Variants in DCLK1 observed in about 807,000 individuals in gnomAD.
DCLK1 encodes the protein doublecortin like kinase 1.
Under a neutral mutation model 86.2 loss-of-function variants are expected in DCLK1, and 16 were observed. The observed-to-expected ratio is 0.19, with a 90% CI of 0.13 to 0.28. The LOEUF (loss-of-function observed/expected upper bound fraction) is 0.28. Among genes scored for constraint, DCLK1 ranks in the 10% least tolerant of loss-of-function variants. DCLK1 has a pLI of 1.00. For synonymous variants in DCLK1, 369 were observed against 370.5 expected (o/e 1.00, Z 0.05); for missense variants, 590 against 940.2 (o/e 0.63, Z 4.87).
intron 4 of DCLK1, among the ~76,000 whole-genome samples, chr13:35,895,752 A>AC (rs1377993185): frequency 6.6e-6 from 1 of 151,774 alleles, no homozygotes; most frequent in Non-Finnish European, 1.5e-5. Flanking sequence ...AGCAAAAAAA[A>AC]ACAAAACAAA....
intron 3 of DCLK1, among the ~76,000 whole-genome samples, chr13:36,025,919 G>A (rs566780301): frequency 1.3e-4 from 20 of 152,078 alleles, no homozygotes; most frequent in Non-Finnish European, 2.6e-4. Context: ...AACAATTTAC[G>A]TATCTAAGTC....
At position 35,848,804 on chromosome 13, in the gene DCLK1, A is replaced by G; in HGVS notation, c.1035+5695T>C. ...TGTATTTTTGGCAGTTTAGTCAAATACATACTAATCTTTTATGGACCCAAC... is the reference window on the plus strand; with the variant it reads ...TGTATTTTTGGCAGTTTAGTCAAATGCATACTAATCTTTTATGGACCCAAC... On this transcript the variant is annotated intron_variant, in intron 6 of 16. Transcript: ENST00000360631. 5.1e-6 allele frequency: 5 copies of G among 985,370 alleles called. No individual in the cohort carries two copies. The South Asian group carries it at 2.3e-4, about 46-fold the overall frequency. 61.0% of individuals were successfully genotyped at this position (985,370 alleles called of 1,614,324 possible).
At chr13:35,836,778 T>A (rs527956255) in intron 7 of DCLK1, among the ~76,000 whole-genome samples, 2 of 152,306 alleles carry the variant, frequency 1.3e-5, no homozygotes, top group South Asian at 4.1e-4. Context: ...AGTTTTGTAG[T>A]TTCAATTATG....
intron 2 of DCLK1, among the ~76,000 whole-genome samples, chr13:36,117,753 G>C (rs1300949663): frequency 6.6e-6 from 1 of 152,126 alleles, no homozygotes; most frequent in African/African-American, 2.4e-5. Flanking sequence ...AGCCACTCTG[G>C]GAAGGGAAAG....
chr13:35,869,196 T>C (rs879071193), intron 5 of DCLK1: 1 of 469,326 alleles, frequency 2.1e-6, no homozygotes, highest in Non-Finnish European at 4.3e-6. Flanking sequence ...AGCTCAGTTC[T>C]TCCAGGGGAG....
chr13:35,826,035 A>G (rs1338276874), intron 10 of DCLK1, among the ~76,000 whole-genome samples: 1 of 151,666 alleles, frequency 6.6e-6, no homozygotes, highest in African/African-American at 2.4e-5. Flanking sequence ...GATGGTCTCA[A>G]TCTCTTGACC....
At chr13:36,059,040 T>C (rs1883440344) in intron 3 of DCLK1, among the ~76,000 whole-genome samples, 1 of 152,138 alleles carries the variant, frequency 6.6e-6, no homozygotes, top group Non-Finnish European at 1.5e-5. Context: ...GCTACCTTTA[T>C]AGGAAAAATA....
intron 4 of DCLK1, among the ~76,000 whole-genome samples, chr13:35,933,308 G>A (rs578115227): frequency 5.3e-5 from 8 of 152,210 alleles, no homozygotes; most frequent in South Asian, 4.1e-4. Flanking sequence ...GCAAGCTGTC[G>A]GCAGATCTAC....
intron 10 of DCLK1, among the ~76,000 whole-genome samples, chr13:35,825,123 A>T (rs1394424985): frequency 6.6e-6 from 1 of 152,194 alleles, no homozygotes; most frequent in Non-Finnish European, 1.5e-5. Context: ...CTGCCGATCC[A>T]CTGCCGTCCG....
chr13:35,813,366 G>A (rs1294064467), intron 11 of DCLK1, among the ~76,000 whole-genome samples: 8 of 152,188 alleles, frequency 5.3e-5, no homozygotes, highest in Admixed American at 5.2e-4. Context: ...AAAAGCAGAT[G>A]TTGGTGGATT....
chr13:36,091,536 A>G (rs929408643), intron 3 of DCLK1, among the ~76,000 whole-genome samples: 3 of 152,180 alleles, frequency 2.0e-5, no homozygotes, highest in African/African-American at 7.2e-5. Context: ...TTTGGCCATC[A>G]AAATGGAAAA....
At chr13:35,839,893 T>A (rs1869668793) in intron 6 of DCLK1, among the ~76,000 whole-genome samples, 4 of 152,344 alleles carry the variant, frequency 2.6e-5, no homozygotes, top group Admixed American at 2.6e-4. Flanking sequence ...AATATTATGA[T>A]TGGCTATGGG....
At chr13:35,954,833 C>CT (rs1005546125) in intron 3 of DCLK1, among the ~76,000 whole-genome samples, 16 of 151,746 alleles carry the variant, frequency 1.1e-4, no homozygotes, top group African/African-American at 2.2e-4. Flanking sequence ...AGCTCTAAGA[C>CT]TTTTTTTTAA....
At chr13:35,906,222 C>T (rs1201069116) in intron 4 of DCLK1, among the ~76,000 whole-genome samples, 1 of 152,060 alleles carries the variant, frequency 6.6e-6, no homozygotes, top group Non-Finnish European at 1.5e-5. Context: ...ATATGGGAGA[C>T]TCTCAAGAAC....
chr13:35,982,433 G>GAGAGAGAGAGGGA (rs1566631727), intron 3 of DCLK1, among the ~76,000 whole-genome samples: 1 of 21,692 alleles, frequency 4.6e-5, no homozygotes, highest in South Asian at 3.0e-3. Flanking sequence ...AGAGAGAGAG[G>GAGAGAGAGAGGGA]GGGAGGGAGG....
intron 5 of DCLK1, among the ~76,000 whole-genome samples, chr13:35,858,124 C>T (rs1566571567): frequency 6.6e-6 from 1 of 152,124 alleles, no homozygotes; most frequent in African/African-American, 2.4e-5. Context: ...GGAAACAATA[C>T]TGGGTGCAAG....
At chr13:36,005,954 G>C (rs1880932455) in intron 3 of DCLK1, among the ~76,000 whole-genome samples, 1 of 152,200 alleles carries the variant, frequency 6.6e-6, no homozygotes, top group African/African-American at 2.4e-5. Flanking sequence ...TCAAAAGTGA[G>C]AGTTGAACAA....
At chr13:35,790,298 C>T (rs7990206) in intron 16 of DCLK1, among the ~76,000 whole-genome samples, 2,034 of 152,042 alleles carry the variant, frequency 0.013, 46 homozygotes, top group African/African-American at 0.046. Context: ...ATGCTTTTTT[C>T]TTTTGTCATT....
At chr13:35,896,685 C>G (rs1318262936) in intron 4 of DCLK1, among the ~76,000 whole-genome samples, 1 of 151,896 alleles carries the variant, frequency 6.6e-6, no homozygotes, top group Non-Finnish European at 1.5e-5. Context: ...GAAATCATTC[C>G]CTCGTGTCTC....
Sources: gnomAD v4.1 joint callset for allele counts (sites outside exome capture counted in the v4.1 genomes callset) on GRCh38, gnomAD v4.1.1 for gene constraint, MANE v1.5 for transcripts, NCBI Gene and HGNC (gene_info 2026-07-23, HGNC 2026-07-21) for gene names.